Variants in UBE2K observed in about 807,000 individuals in gnomAD.
UBE2K encodes the protein ubiquitin conjugating enzyme E2 K, also known as ubiquitin-conjugating enzyme E2 K.
UBE2K carries 6 observed loss-of-function variants against 30.0 expected under a neutral mutation model. The ratio of observed to expected loss-of-function variants is 0.20; its 90% confidence interval spans 0.11 to 0.39. The LOEUF (loss-of-function observed/expected upper bound fraction) is 0.39, where lower values mean the gene tolerates loss of function less well. Ranked by LOEUF, UBE2K falls within the 10% of genes least tolerant of loss-of-function variation. The pLI is 1.00. For missense variants in UBE2K, 61 were observed against 241.6 expected (o/e 0.25, Z 4.96); for synonymous variants, 86 against 83.7 (o/e 1.03, Z -0.15).
intron 1 of UBE2K, among the ~76,000 whole-genome samples, chr4:39,700,196 G>A (rs559519293): frequency 6.6e-6 from 1 of 152,094 alleles, no homozygotes; most frequent in East Asian, 1.9e-4. Context: ...TTTCACCGTG[G>A]TATTCTTAGT....
At chr4:39,762,039 C>T (rs946604122) in intron 4 of UBE2K, among the ~76,000 whole-genome samples, 10 of 151,472 alleles carry the variant, frequency 6.6e-5, no homozygotes, top group Non-Finnish European at 1.2e-4. Context: ...ATTAGCCGGG[C>T]GTAGTGGCAT....
intron 1 of UBE2K, among the ~76,000 whole-genome samples, chr4:39,734,460 A>G (rs1720246129): frequency 6.6e-6 from 1 of 152,072 alleles, no homozygotes; most frequent in African/African-American, 2.4e-5. Context: ...TACAATAATA[A>G]TGTTCTTTCT....
At chr4:39,740,696 A>C (rs1720650062) in intron 2 of UBE2K, among the ~76,000 whole-genome samples, 1 of 147,954 alleles carries the variant, frequency 6.8e-6, no homozygotes, top group African/African-American at 2.5e-5. Context: ...CCCCGTCTCT[A>C]CTAAAAATAC....
At chr4:39,726,033 G>A (rs1260218135) in intron 1 of UBE2K, among the ~76,000 whole-genome samples, 1 of 152,110 alleles carries the variant, frequency 6.6e-6, no homozygotes, top group Non-Finnish European at 1.5e-5. Context: ...GGAAATCAAG[G>A]TGTCAGCAGG....
chr4:39,716,855 G>A lies in UBE2K; in HGVS notation c.63+18465G>A, dbSNP rs567983038. ...TCTACTAAAATACAAAAAATTAGTAGGGCACAGCGGTGTGCACCTGTAATC... is the reference window on the plus strand; with the variant it reads ...TCTACTAAAATACAAAAAATTAGTAAGGCACAGCGGTGTGCACCTGTAATC... On this transcript the variant is annotated intron_variant, in intron 1 of 6. Transcript: ENST00000261427. Among the ~76,000 whole-genome samples the A allele has an allele frequency of 4.6e-5, 7 of 152,100 alleles. No individual in the cohort carries two copies. The South Asian group carries it at 1.5e-3, about 32-fold the overall frequency.
intron 4 of UBE2K, chr4:39,770,343 T>A: frequency 6.2e-7 from 1 of 1,613,406 alleles, no homozygotes; most frequent in Non-Finnish European, 8.5e-7. Flanking sequence ...GTGGTTGAGG[T>A]TGTTGCTGTG....
chr4:39,757,619 T>G (rs1453230776), intron 4 of UBE2K, among the ~76,000 whole-genome samples: 5 of 152,192 alleles, frequency 3.3e-5, no homozygotes, highest in Non-Finnish European at 7.3e-5. Context: ...GGAATAGACT[T>G]ACTTTTTATC....
chr4:39,736,783 G>A (rs1373228934), intron 1 of UBE2K, among the ~76,000 whole-genome samples: 2 of 152,178 alleles, frequency 1.3e-5, no homozygotes, highest in Admixed American at 6.5e-5. Flanking sequence ...GGTAGTTGCC[G>A]TTTTAATAAA....
At chr4:39,771,504 A>AC in intron 4 of UBE2K, 4 of 1,391,672 alleles carry the variant, frequency 2.9e-6, no homozygotes, top group Non-Finnish European at 3.8e-6. Context: ...TATTTTCCCC[A>AC]CCCCCGCGGG....
intron 2 of UBE2K, among the ~76,000 whole-genome samples, chr4:39,743,204 CTT>C (rs761926141): frequency 9.2e-5 from 14 of 152,272 alleles, no homozygotes; most frequent in South Asian, 2.1e-4. Flanking sequence ...AAGAAAGTCT[CTT>C]GTTTGACTTT....
At chr4:39,738,398 C>G (rs1296140569) in intron 2 of UBE2K, among the ~76,000 whole-genome samples, 1 of 152,214 alleles carries the variant, frequency 6.6e-6, no homozygotes, top group Admixed American at 6.5e-5. Flanking sequence ...AGTAGCACAA[C>G]TGATAGCCTT....
intron 4 of UBE2K, among the ~76,000 whole-genome samples, chr4:39,773,905 A>G (rs138077208): frequency 0.011 from 1,668 of 152,186 alleles, 16 homozygotes; most frequent in Non-Finnish European, 0.017. Context: ...TGGGCGACAG[A>G]GTGAGACTCC....
chr4:39,706,850 G>A (rs1718396404), intron 1 of UBE2K, among the ~76,000 whole-genome samples: 1 of 152,056 alleles, frequency 6.6e-6, no homozygotes, highest in Admixed American at 6.6e-5. Flanking sequence ...GATAAAAATG[G>A]GAGGGGCAAA....
At chr4:39,722,782 GT>G (rs1357943974) in intron 1 of UBE2K, among the ~76,000 whole-genome samples, 1 of 149,934 alleles carries the variant, frequency 6.7e-6, no homozygotes, top group Non-Finnish European at 1.5e-5. Context: ...AGGACCTGCT[GT>G]ATTCTCTTTT....
At chr4:39,771,026 C>G in intron 4 of UBE2K, 3 of 1,612,002 alleles carry the variant, frequency 1.9e-6, no homozygotes, top group Non-Finnish European at 2.5e-6. Context: ...GCCTCACGGA[C>G]CCCATCCTCT....
At position 39,780,766 on chromosome 4, in the gene UBE2K, C is replaced by T. The variant is rs1302791868; in HGVS notation, c.*2332C>T. 1 of 151,698 alleles carries T rather than the reference C, an allele frequency of 6.6e-6. No homozygotes were observed. The highest frequency in any genetic ancestry group is 1.5e-5 in the Non-Finnish European group (1 of 67,906). 9.4% of individuals were successfully genotyped at this position (151,698 alleles called of 1,614,324 possible). A position where few individuals can be genotyped will look rare whatever the true frequency, so the allele number is the denominator to read the frequency against. On this transcript the variant is annotated 3_prime_UTR_variant, in exon 7 of 7. Coordinates refer to ENST00000261427, the MANE Select transcript of UBE2K (RefSeq NM_005339.5). ...CTTGTCTGTGGGTAGATTTAGTTAC[C>T]CAAACATAGAAACTAAAGCAATTGC...
At chr4:39,711,900 G>C (rs962149435) in intron 1 of UBE2K, among the ~76,000 whole-genome samples, 1 of 151,582 alleles carries the variant, frequency 6.6e-6, no homozygotes. Context: ...AATTAGCCAG[G>C]CATGGTGGTG....
In UBE2K at chr4:39,742,060, C is replaced by T. The variant is rs530190851; in HGVS notation, c.158-3692C>T. 3.9e-5 allele frequency among the ~76,000 whole-genome samples: 6 copies of T among 152,102 alleles called. No homozygotes were observed. The South Asian group carries it at 1.2e-3, about 32-fold the overall frequency. On this transcript the variant is annotated intron_variant, in intron 2 of 6. Coordinates refer to ENST00000261427, the MANE Select transcript of UBE2K (RefSeq NM_005339.5). ...ATAGAAATAAGATTTTAGAGACTCT[C>T]GAGTCCAGCATTATTTATATAATAT...
intron 1 of UBE2K, among the ~76,000 whole-genome samples, chr4:39,728,347 C>T (rs572006395): frequency 2.0e-5 from 3 of 152,252 alleles, no homozygotes; most frequent in South Asian, 2.1e-4. Flanking sequence ...TGGTGGTTTA[C>T]GCCTCTAATC....
Sources: allele counts gnomAD v4.1 joint callset (sites outside exome capture counted in the v4.1 genomes callset), GRCh38; gene constraint gnomAD v4.1.1; transcripts MANE v1.5; gene names NCBI Gene and HGNC (gene_info 2026-07-23, HGNC 2026-07-21).